Variants in LRPPRC observed in about 807,000 individuals in gnomAD.
LRPPRC encodes leucine rich pentatricopeptide repeat containing, also known as leucine-rich PPR motif-containing protein, mitochondrial.
Under a neutral mutation model 180.3 loss-of-function variants are expected in LRPPRC, and 120 were observed. The observed-to-expected ratio is 0.67, with a 90% CI of 0.57 to 0.77. The LOEUF (loss-of-function observed/expected upper bound fraction) is 0.77. LRPPRC is among the 30% of genes least tolerant of loss of function. The probability of loss-of-function intolerance (pLI) is 0.00; values close to 1 mark genes in which losing one functional copy is unlikely to be tolerated. For missense variants in LRPPRC, 2,012 were observed against 1,657.2 expected (o/e 1.21, Z -3.72); for synonymous variants, 723 against 600.0 (o/e 1.21, Z -3.00).
intron 30 of LRPPRC, among the ~76,000 whole-genome samples, chr2:43,909,866 G>A (rs1671196537): frequency 6.6e-6 from 1 of 152,032 alleles, no homozygotes; most frequent in Admixed American, 6.6e-5. Context: ...TAAATTTAAG[G>A]CAAATAGACG....
intron 29 of LRPPRC, among the ~76,000 whole-genome samples, chr2:43,917,307 C>A (rs1453626268): frequency 2.0e-5 from 3 of 151,744 alleles, no homozygotes; most frequent in African/African-American, 7.3e-5. Flanking sequence ...CTGAAGCCTC[C>A]CAAAGTGCTG....
chr2:43,957,316 C>T, intron 14 of LRPPRC, 69 bp downstream of exon 14: 1 of 1,005,308 alleles, frequency 9.9e-7, no homozygotes, highest in Non-Finnish European at 1.6e-6. Flanking sequence ...TTTCCTCATG[C>T]AATAAGTCAA....
upstream of LRPPRC, chr2:43,996,107 C>T (rs149269413): frequency 7.1e-3 from 4,317 of 608,108 alleles, 42 homozygotes; most frequent in South Asian, 0.016. Context: ...AACCGCACTT[C>T]TCCGAGGACA....
chr2:43,896,806 G>T, intron 34 of LRPPRC, 98 bp from the exon 35 acceptor site: 2 of 781,060 alleles, frequency 2.6e-6, no homozygotes, highest in Non-Finnish European at 4.6e-6. Flanking sequence ...TAATACAGTA[G>T]TGTATTATTA....
In LRPPRC at chr2:43,899,310, G is replaced by A; in HGVS notation, c.3734C>T (p.Ala1245Val). The stretch of plus-strand genomic sequence containing the variant: ...AGGTTTATAAATTGCAAACTGATTG[G>A]CCAATCTCTCCGCCATGATGCTTAC... Reference protein sequence around the residue: ...EKISIMAERLANQFAIYKPVT... With the variant: ...EKISIMAERLVNQFAIYKPVT... Residue 1245 changes from alanine (A) to valine (V), a missense_variant, in exon 34 of 38, where the codon GCC (alanine) becomes GTC (valine). Transcript: ENST00000260665. 1 of 1,613,952 alleles carries A rather than the reference G, an allele frequency of 6.2e-7. No homozygotes were observed. Among genetic ancestry groups the A allele is most frequent in the East Asian group, 2.2e-5 (1 of 44,880 alleles).
At chr2:43,931,529 T>G (rs1672087632) in intron 25 of LRPPRC, among the ~76,000 whole-genome samples, 1 of 152,210 alleles carries the variant, frequency 6.6e-6, no homozygotes, top group Non-Finnish European at 1.5e-5. Context: ...AGGCAGTTCC[T>G]TCTGCCTGGA....
At chr2:43,973,457 C>T (rs1673907235) in intron 11 of LRPPRC, 150 bp downstream of exon 11, 1 of 678,006 alleles carries the variant, frequency 1.5e-6, no homozygotes, top group East Asian at 2.7e-5. Context: ...AATGCTTACA[C>T]ATAATACTTC....
At chr2:43,993,692 T>G (rs1205178169) in intron 1 of LRPPRC, among the ~76,000 whole-genome samples, 6 of 151,188 alleles carry the variant, frequency 4.0e-5, no homozygotes, top group Non-Finnish European at 8.8e-5. Flanking sequence ...CACACAGTGG[T>G]GAACAAGACA....
At chr2:43,926,854 A>C (rs1342533275) in intron 25 of LRPPRC, among the ~76,000 whole-genome samples, 1 of 152,240 alleles carries the variant, frequency 6.6e-6, no homozygotes, top group Non-Finnish European at 1.5e-5. Context: ...TACTCTAATG[A>C]CTTTTGCCTA....
Position 43,886,361 on chromosome 2 carries a change from T to G in LRPPRC, c.*2239A>C, listed in dbSNP as rs1670270886. 6.6e-6 allele frequency: 1 copy of G among 152,230 alleles called. No individual in the cohort carries two copies. Among genetic ancestry groups the G allele is most frequent in the Non-Finnish European group, 1.5e-5 (1 of 68,042 alleles). 9.4% of individuals were successfully genotyped at this position (152,230 alleles called of 1,614,324 possible). ...CATCTTTTTTAGAATTAGCTGCTTA[T>G]AATTTGAGTGTAAATGTATTACAGA... On this transcript the variant is annotated 3_prime_UTR_variant, in exon 38 of 38. Coordinates refer to ENST00000260665, the MANE Select transcript of LRPPRC (RefSeq NM_133259.4).
intron 2 of LRPPRC, among the ~76,000 whole-genome samples, 167 bp downstream of exon 2, chr2:43,982,071 C>T (rs1372270989): frequency 1.3e-5 from 2 of 152,070 alleles, no homozygotes; most frequent in Non-Finnish European, 1.5e-5. Context: ...CCATGCCTGG[C>T]TAATTTTTGT....
chr2:43,959,228 G>C (rs780060968), intron 13 of LRPPRC: 2 of 715,146 alleles, frequency 2.8e-6, no homozygotes, highest in Middle Eastern at 2.3e-4. Context: ...AATCTATATA[G>C]TATACAGAGT....
intron 37 of LRPPRC, 137 bp downstream of exon 37, chr2:43,889,597 C>G (rs1444597147): frequency 1.3e-6 from 1 of 783,204 alleles, no homozygotes; most frequent in Admixed American, 2.0e-5. Context: ...CTCAGTCCCT[C>G]AAGCCATCCC....
At chr2:43,974,511 C>A in intron 8 of LRPPRC, 103 bp downstream of exon 8, 1 of 898,162 alleles carries the variant, frequency 1.1e-6, no homozygotes. Flanking sequence ...GTTCTATGTT[C>A]AACTCCCACA....
At chr2:43,976,102 C>A in intron 6 of LRPPRC, 41 bp downstream of exon 6, 1 of 1,148,040 alleles carries the variant, frequency 8.7e-7, no homozygotes, top group African/African-American at 1.5e-5. Flanking sequence ...GCATCTCAGC[C>A]ATCTATCACT....
At chr2:43,916,654 A>T (rs1312009657) in intron 29 of LRPPRC, among the ~76,000 whole-genome samples, 1 of 152,214 alleles carries the variant, frequency 6.6e-6, no homozygotes, top group Non-Finnish European at 1.5e-5. Context: ...TGTACAGCAA[A>T]GTATGAAGAA....
intron 29 of LRPPRC, among the ~76,000 whole-genome samples, chr2:43,915,166 C>T (rs1444371347): frequency 1.4e-5 from 2 of 147,586 alleles, no homozygotes; most frequent in East Asian, 4.0e-4. Flanking sequence ...AGAGGTTGCG[C>T]CACTGCACTC....
intron 23 of LRPPRC, among the ~76,000 whole-genome samples, chr2:43,940,132 T>G (rs927917488): frequency 2.0e-5 from 3 of 152,202 alleles, no homozygotes; most frequent in African/African-American, 7.2e-5. Context: ...ATCACTGTCC[T>G]GTCCCCCTAG....
chr2:43,985,250 C>G (rs1017094119), intron 1 of LRPPRC, among the ~76,000 whole-genome samples: 20 of 152,100 alleles, frequency 1.3e-4, no homozygotes, highest in Non-Finnish European at 1.6e-4. Flanking sequence ...ACTGAAAGAA[C>G]AGTTCCCACT....
Sources: allele counts gnomAD v4.1 joint callset (sites outside exome capture counted in the v4.1 genomes callset), GRCh38; gene constraint gnomAD v4.1.1; transcripts MANE v1.5; gene names NCBI Gene and HGNC (gene_info 2026-07-23, HGNC 2026-07-21).